Variants in FAM47E observed in about 807,000 individuals in gnomAD.
FAM47E encodes family with sequence similarity 47 member E, also known as protein FAM47E.
FAM47E carries 32 observed loss-of-function variants against 41.6 expected under a neutral mutation model. The ratio of observed to expected loss-of-function variants is 0.77; its 90% CI spans 0.58 to 1.03. The LOEUF (loss-of-function observed/expected upper bound fraction) is 1.03. FAM47E is among the 50% of genes least tolerant of loss of function. The probability of loss-of-function intolerance (pLI) is 0.00; values close to 1 mark genes in which losing one functional copy is unlikely to be tolerated. For synonymous variants in FAM47E, 184 were observed against 188.7 expected, an observed-to-expected ratio of 0.98 and a Z score of 0.20; for missense variants, 424 against 485.4, an observed-to-expected ratio of 0.87 and a Z score of 1.19.
intron 2 of FAM47E, among the ~76,000 whole-genome samples, chr4:76,226,805 G>A (rs1032462107): frequency 9.9e-5 from 15 of 152,080 alleles, no homozygotes; most frequent in African/African-American, 3.4e-4. Context: ...TCTAGTTTGT[G>A]TGAATAAAAG....
At chr4:76,216,148 C>T (rs1560725375) in intron 1 of FAM47E, among the ~76,000 whole-genome samples, 1 of 152,172 alleles carries the variant, frequency 6.6e-6, no homozygotes. Context: ...TTCTCTTCCC[C>T]TAATCCTGCC....
At chr4:76,273,988 C>T (rs1560751522) in intron 5 of FAM47E, among the ~76,000 whole-genome samples, 1 of 152,050 alleles carries the variant, frequency 6.6e-6, no homozygotes, top group Non-Finnish European at 1.5e-5. Flanking sequence ...GTCTCAACTT[C>T]ACCTTTTGCG....
At chr4:76,215,019 G>A (rs1040565783) in intron 1 of FAM47E, among the ~76,000 whole-genome samples, 3 of 152,230 alleles carry the variant, frequency 2.0e-5, no homozygotes, top group African/African-American at 7.2e-5. Context: ...TAGCCAAATG[G>A]GCTTGTCCCA....
intron 2 of FAM47E, among the ~76,000 whole-genome samples, chr4:76,229,731 T>C (rs948035320): frequency 5.9e-5 from 9 of 152,200 alleles, no homozygotes; most frequent in Non-Finnish European, 8.8e-5. Flanking sequence ...CCTGCTCTGA[T>C]GGAGGTATCA....
chr4:76,219,385 G>A (rs1733268932), intron 2 of FAM47E, among the ~76,000 whole-genome samples: 1 of 152,188 alleles, frequency 6.6e-6, no homozygotes, highest in Admixed American at 6.5e-5. Flanking sequence ...GTTCTCACTT[G>A]AGGTACTTTG....
At chr4:76,223,580 T>G (rs2109981308) in intron 2 of FAM47E, among the ~76,000 whole-genome samples, 1 of 152,328 alleles carries the variant, frequency 6.6e-6, no homozygotes, top group South Asian at 2.1e-4. Context: ...GACGTTGCAT[T>G]GGAACCACCT....
intron 2 of FAM47E, among the ~76,000 whole-genome samples, chr4:76,225,550 A>C (rs1410066623): frequency 1.3e-5 from 2 of 152,170 alleles, no homozygotes; most frequent in Non-Finnish European, 2.9e-5. Flanking sequence ...TATTACCTTA[A>C]GGTATGCCCC....
At chr4:76,252,942 T>C (rs4859437) in intron 1 of FAM47E, among the ~76,000 whole-genome samples, 2 of 152,116 alleles carry the variant, frequency 1.3e-5, no homozygotes, top group South Asian at 4.1e-4. Flanking sequence ...GGTGTGTGAG[T>C]TCTGTAACAT....
chr4:76,259,248 A>G (rs1334895901), intron 2 of FAM47E, among the ~76,000 whole-genome samples: 1 of 152,254 alleles, frequency 6.6e-6, no homozygotes, highest in Non-Finnish European at 1.5e-5. Flanking sequence ...TGACAAGCTC[A>G]GCAACCTTCT....
In FAM47E at chr4:76,251,812, C is replaced by T. The variant is rs1019092403; in HGVS notation, c.66C>T (p.Cys22=). Residue 22 remains cysteine (C), a synonymous_variant, in exon 1 of 8, where the codon TGC becomes TGT. Coordinates refer to ENST00000424749, the MANE Select transcript of FAM47E (RefSeq NM_001136570.3). ...CCCCGGTGCGCGAGGGCGTGAACTG[C>T]AGGTCCAGGTAAACACTCAGCGCCC... ...TLAPVREGVN[C]RSRCFTKHKN... The T allele has an allele frequency of 2.0e-6, 3 of 1,483,100 alleles. No individual in the cohort carries two copies. Among genetic ancestry groups the T allele is most frequent in the Admixed American group, 4.5e-5 (2 of 44,570 alleles). The allele number at this position is 1,483,100 out of a possible 1,614,324, so 91.9% of individuals were successfully genotyped here.
rs990520181 is a variant in FAM47E, at chr4:76,256,430, G to A, written c.327G>A (p.Gln109=). ...DVLSKLSPAQ[Q]ARKAFLEDVE... is the part of the protein sequence containing the mutation. Reference sequence around the variant, plus strand: ...TTTCCAAGCTCTCGCCAGCCCAGCAGGCTCGGAAGGCATTCCTGGAGGACG... The same window carrying A: ...TTTCCAAGCTCTCGCCAGCCCAGCAAGCTCGGAAGGCATTCCTGGAGGACG... Residue 109 remains glutamine (Q), a synonymous_variant, in exon 2 of 8, where the codon CAG becomes CAA. Transcript: ENST00000424749. 6.4e-7 allele frequency: 1 copy of A among 1,552,316 alleles called. No homozygotes were observed. Among genetic ancestry groups the A allele is most frequent in the Non-Finnish European group, 8.7e-7 (1 of 1,147,438 alleles).
At chr4:76,276,025 GACAGACAGACAGACAC>G (rs986081612) in intron 5 of FAM47E, among the ~76,000 whole-genome samples, 9 of 86,424 alleles carry the variant, frequency 1.0e-4, no homozygotes, top group African/African-American at 1.5e-4. Flanking sequence ...CAGACAGACA[GACAGACAGACAGACAC>G]ACACACACAC....
chr4:76,253,839 A>G lies in FAM47E; in HGVS notation c.74+2019A>G, dbSNP rs1186941310. 2.0e-5 allele frequency among the ~76,000 whole-genome samples: 3 copies of G among 151,532 alleles called. 1 individual carries two copies. The highest frequency in any genetic ancestry group is 6.6e-5 in the Admixed American group (1 of 15,212). ...AAAAAAAGAAAGGAAAGAAATGAGG[A>G]AAGTGGCTCGCGCCTGTAATCCCAA... On this transcript the variant is annotated intron_variant, in intron 1 of 7. Coordinates refer to ENST00000424749, the MANE Select transcript of FAM47E (RefSeq NM_001136570.3).
chr4:76,237,365 GT>G (rs1560733023), intron 2 of FAM47E, among the ~76,000 whole-genome samples: 3 of 71,722 alleles, frequency 4.2e-5, no homozygotes, highest in African/African-American at 1.4e-4. Context: ...TTTTTTTTTT[GT>G]TTGTTTGTTT....
chr4:76,283,361 G>T lies in FAM47E; in HGVS notation c.1105-20G>T, dbSNP rs774137692. 8.1e-6 allele frequency: 12 copies of T among 1,476,046 alleles called. No homozygotes were observed. Among genetic ancestry groups the T allele is most frequent in the South Asian group, 3.6e-5 (3 of 82,484 alleles). The allele number at this position is 1,476,046 out of a possible 1,614,324, so 91.4% of individuals were successfully genotyped here. A position where few individuals can be genotyped will look rare whatever the true frequency, so the allele number is the denominator to read the frequency against. ...AGTTTTGTTTGCCAATCTAATGAAG[G>T]TTCTCTCATTTTTTTTTAGTTCCTT... On this transcript the variant is annotated intron_variant, in intron 7 of 7. Transcript: ENST00000424749.
At chr4:76,225,252 T>C (rs2119730) in intron 2 of FAM47E, among the ~76,000 whole-genome samples, 99,943 of 152,028 alleles carry the variant, frequency 0.66, 34,604 homozygotes, top group Non-Finnish European at 0.78. Flanking sequence ...TAAAGACACA[T>C]GTGCAAGTGT....
intron 1 of FAM47E, among the ~76,000 whole-genome samples, chr4:76,215,496 A>G (rs894444425): frequency 3.9e-5 from 6 of 152,218 alleles, no homozygotes; most frequent in African/African-American, 1.4e-4. Context: ...ATGGTTTAAA[A>G]ATGGTGGCAA....
At position 76,278,141 on chromosome 4, in the gene FAM47E, CA is replaced by C; in HGVS notation, c.946del (p.Arg316GlufsTer2). The C allele has an allele frequency of 3.2e-6, 5 of 1,550,260 alleles. No individual in the cohort carries two copies. The highest frequency in any genetic ancestry group is 4.4e-6 in the Non-Finnish European group (5 of 1,146,546). On this transcript the variant is annotated frameshift_variant, in exon 6 of 8. Coordinates refer to ENST00000424749, the MANE Select transcript of FAM47E (RefSeq NM_001136570.3). LOFTEE classifies it high-confidence loss of function. The stretch of plus-strand genomic sequence containing the variant: ...TTTGAACCCCAAGTTGTGGAAAAAG[CA>C]AAGAGTAGACGAGCCTCTGGTTGAC... Reference protein sequence around the residue: ...WYLNPKLWKKQRVDEPLVDPE... With the variant: ...WYLNPKLWKKXRVDEPLVDPE...
At chr4:76,276,355 C>CTTTT (rs1560752583) in intron 5 of FAM47E, among the ~76,000 whole-genome samples, 1 of 97,844 alleles carries the variant, frequency 1.0e-5, no homozygotes, top group Admixed American at 1.1e-4. Flanking sequence ...GAGGGGGTTA[C>CTTTT]TTTTTTTTGT....
Sources: allele counts gnomAD v4.1 joint callset (sites outside exome capture counted in the v4.1 genomes callset), GRCh38; gene constraint gnomAD v4.1.1; transcripts MANE v1.5; gene names NCBI Gene and HGNC (gene_info 2026-07-23, HGNC 2026-07-21).